ABCC1: variants seen among roughly 807,000 people sequenced by gnomAD.
ABCC1 encodes the protein multidrug resistance-associated protein 1.
ABCC1 carries 83 observed loss-of-function variants against 172.9 expected under a neutral mutation model. The observed-to-expected ratio is 0.48, with a 90% CI of 0.40 to 0.58. The LOEUF (loss-of-function observed/expected upper bound fraction) is 0.58, where lower values mean the gene tolerates loss of function less well. Ranked by LOEUF, ABCC1 falls within the 20% of genes least tolerant of loss-of-function variation. The pLI is 0.00. For missense variants in ABCC1, 1,817 were observed against 2,002.7 expected (o/e 0.91, Z 1.77); for synonymous variants, 937 against 825.2 (o/e 1.14, Z -2.32).
chr16:16,122,761 G>A (rs1256341590), intron 24 of ABCC1, among the ~76,000 whole-genome samples: 3 of 150,128 alleles, frequency 2.0e-5, no homozygotes, highest in South Asian at 2.1e-4. Flanking sequence ...GTGTGTGCCT[G>A]TAGTCCTAGC....
At chr16:16,062,653 C>T (rs2049966487) in intron 12 of ABCC1, among the ~76,000 whole-genome samples, 1 of 152,182 alleles carries the variant, frequency 6.6e-6, no homozygotes, top group African/African-American at 2.4e-5. Flanking sequence ...GCCGAGGCAT[C>T]GAAGCCTCTG....
chr16:16,028,279 G>C (rs1233090240), intron 5 of ABCC1, among the ~76,000 whole-genome samples: 2 of 152,064 alleles, frequency 1.3e-5, no homozygotes, highest in East Asian at 3.8e-4. Context: ...ATATTTGTTT[G>C]CACCGTGGTT....
chr16:15,965,943 G>C (rs548239713), intron 1 of ABCC1, among the ~76,000 whole-genome samples: 2 of 152,212 alleles, frequency 1.3e-5, no homozygotes, highest in East Asian at 3.9e-4. Flanking sequence ...GGTAGAGTGC[G>C]TATTGGCTTA....
At chr16:16,102,318 C>G (rs1362048838) in intron 19 of ABCC1, among the ~76,000 whole-genome samples, 1 of 152,240 alleles carries the variant, frequency 6.6e-6, no homozygotes, top group African/African-American at 2.4e-5. Context: ...CTACTGTTTT[C>G]TGGGCTGGGT....
In ABCC1 at chr16:16,114,915, T is replaced by G. The variant is rs1332134293; in HGVS notation, c.3229T>G (p.Ser1077Ala). The change falls in exon 23 of 31, where the codon TCC (serine) becomes GCC (alanine). Residue 1077 changes from serine (S) to alanine (A), a missense_variant. Transcript: ENST00000399410. ...CAGTGGGAACCTGGTGAACCGCTTCTCCAAGGAGCTGGACACAGTGGACTC... is the reference window on the plus strand; with the variant it reads ...CAGTGGGAACCTGGTGAACCGCTTCGCCAAGGAGCTGGACACAGTGGACTC... ...TPSGNLVNRF[S>A]KELDTVDSMI... 7 of 1,613,900 alleles carry G rather than the reference T, an allele frequency of 4.3e-6. No individual in the cohort carries two copies. The highest frequency in any genetic ancestry group is 1.3e-5 in the African/African-American group (1 of 74,940).
intron 8 of ABCC1, among the ~76,000 whole-genome samples, 195 bp from the exon 9 acceptor site, chr16:16,045,641 G>T (rs2049174663): frequency 6.6e-6 from 1 of 152,102 alleles, no homozygotes; most frequent in African/African-American, 2.4e-5. Context: ...CAAGGCAGAG[G>T]CCTCTTTTAT....
At chr16:16,043,243 T>TTTTTTTTTTTTTTTTTTTTTCC in intron 7 of ABCC1, among the ~76,000 whole-genome samples, 1 of 140,790 alleles carries the variant, frequency 7.1e-6, no homozygotes, top group African/African-American at 2.7e-5. Context: ...TTTTTTTTTT[T>TTTTTTTTTTTTTTTTTTTTTCC]CCACTGATGT....
At chr16:16,003,589 T>A (rs528789147) in intron 1 of ABCC1, among the ~76,000 whole-genome samples, 1 of 143,298 alleles carries the variant, frequency 7.0e-6, no homozygotes, top group South Asian at 2.3e-4. Flanking sequence ...GTAGGGTGGA[T>A]GGGTGAATTG....
At chr16:16,031,901 T>TGGGGCTCACATCGTC (rs1555486266) in intron 5 of ABCC1, among the ~76,000 whole-genome samples, 1 of 151,868 alleles carries the variant, frequency 6.6e-6, no homozygotes, top group Non-Finnish European at 1.5e-5. Context: ...CCTGACTCTT[T>TGGGGCTCACATCGTC]GGGGCTCACA....
intron 15 of ABCC1, among the ~76,000 whole-genome samples, chr16:16,077,875 T>C (rs1203044964): frequency 1.3e-5 from 2 of 152,016 alleles, no homozygotes; most frequent in Admixed American, 6.6e-5. Context: ...ATAAAAAAAC[T>C]AGCTGGGCAT....
At position 16,124,333 on chromosome 16, in the gene ABCC1, G is replaced by GTGTGTGTGTGTGTGTGTA. The variant is rs2045314291; in HGVS notation, c.3591-440_3591-439insTATGTGTGTGTGTGTGTG. On this transcript the variant is annotated intron_variant, in intron 24 of 30. Coordinates refer to ENST00000399410, the MANE Select transcript of ABCC1 (RefSeq NM_004996.4). ...TAATGCACTGTGTGTGTGTGTGTGT[G>GTGTGTGTGTGTGTGTGTA]TGTGTGTGTGTGTGTGATTATAGGA... 5.1e-5 allele frequency among the ~76,000 whole-genome samples: 5 copies of GTGTGTGTGTGTGTGTGTA among 98,180 alleles called. 1 individual carries two copies. The highest frequency in any genetic ancestry group is 8.6e-5 in the Non-Finnish European group (4 of 46,590). 64.4% of individuals were successfully genotyped at this position (98,180 alleles called of 152,430 possible).
At chr16:16,120,554 C>T (rs143495146) in intron 23 of ABCC1, among the ~76,000 whole-genome samples, 4 of 152,124 alleles carry the variant, frequency 2.6e-5, no homozygotes, top group Admixed American at 6.6e-5. Flanking sequence ...GCTTGTGAAA[C>T]GTATCATCGT....
Position 16,076,328 on chromosome 16 carries a change from G to T in ABCC1, c.1915G>T (p.Gly639Trp), listed in dbSNP as rs539166124. 1.7e-4 allele frequency: 266 copies of T among 1,612,062 alleles called. 2 individuals carry two copies. The South Asian group carries it at 2.8e-3, about 17-fold the overall frequency. Reference protein sequence around the residue: ...SIERRPVKDGGGTNSITVRNA... With the variant: ...SIERRPVKDGWGTNSITVRNA... The stretch of plus-strand genomic sequence containing the variant: ...TGACATGTCTCTGTGCTTTGTAGGC[G>T]GGGGCACGAACAGCATCACCGTGAG... The change falls in exon 15 of 31, where the codon GGG (glycine) becomes TGG (tryptophan). Residue 639 changes from glycine (G) to tryptophan (W), a missense_variant and splice_region_variant. Gly to Trp is a radical substitution (Grantham distance 184). This residue lies in a region of ABCC1 where 1,412 missense variants were observed against 1,600.3 expected (regional missense o/e 0.88). Coordinates refer to ENST00000399410, the MANE Select transcript of ABCC1 (RefSeq NM_004996.4).
intron 1 of ABCC1, among the ~76,000 whole-genome samples, chr16:15,950,005 C>T (rs1386400355): frequency 6.6e-6 from 1 of 151,944 alleles, no homozygotes; most frequent in African/African-American, 2.4e-5. Context: ...TCCTGCGGAG[C>T]AGAGCGTGGG....
intron 15 of ABCC1, 138 bp downstream of exon 15, chr16:16,076,539 C>A: frequency 1.3e-6 from 1 of 797,250 alleles, no homozygotes; most frequent in Non-Finnish European, 1.9e-6. Context: ...TTAGCTTACC[C>A]ATCTGGACAA....
At chr16:16,065,934 G>GT (rs929581966) in intron 12 of ABCC1, among the ~76,000 whole-genome samples, 1 of 151,974 alleles carries the variant, frequency 6.6e-6, no homozygotes, top group Admixed American at 6.6e-5. Context: ...CAATTCAGTG[G>GT]TTTTTTTGTG....
chr16:15,984,545 C>A (rs543149478), intron 1 of ABCC1, among the ~76,000 whole-genome samples: 1 of 149,636 alleles, frequency 6.7e-6, no homozygotes, highest in Non-Finnish European at 1.5e-5. Flanking sequence ...CAGTTTCAAG[C>A]GATTCTCCTG....
intron 20 of ABCC1, among the ~76,000 whole-genome samples, chr16:16,105,969 G>C (rs977989057): frequency 2.0e-5 from 3 of 150,190 alleles, no homozygotes; most frequent in East Asian, 3.9e-4. Flanking sequence ...TTCTGCCTCT[G>C]GGATTCAAGC....
chr16:16,115,179 T>C, intron 23 of ABCC1, 103 bp downstream of exon 23: 1 of 1,249,428 alleles, frequency 8.0e-7, no homozygotes, highest in Non-Finnish European at 1.1e-6. Context: ...AGTGTGGTGC[T>C]TTTGAAGCAT....
Sources: gnomAD v4.1 joint callset for allele counts (sites outside exome capture counted in the v4.1 genomes callset) on GRCh38, gnomAD v4.1.1 for gene constraint, gnomAD v4.1.1 regional missense constraint, MANE v1.5 for transcripts, NCBI Gene and HGNC (gene_info 2026-07-23, HGNC 2026-07-21) for gene names.